The following ZBTB7C variants were observed in gnomAD, a reference collection of about 807,000 sequenced individuals.
The protein encoded by ZBTB7C is zinc finger and BTB domain-containing protein 7C.
A neutral mutation model predicts 25.7 loss-of-function variants in ZBTB7C; 8 were observed. That is an observed-to-expected ratio of 0.31 (90% CI 0.18 to 0.56). The LOEUF is 0.56. ZBTB7C is among the 20% of genes least tolerant of loss of function. The pLI is 0.91. For missense variants in ZBTB7C, 824 were observed against 855.2 expected (o/e 0.96, Z 0.46); for synonymous variants, 394 against 369.0 (o/e 1.07, Z -0.78).
chr18:48,181,134 C>T (rs2041909389), intron 3 of ZBTB7C, among the ~76,000 whole-genome samples: 1 of 152,200 alleles, frequency 6.6e-6, no homozygotes, highest in African/African-American at 2.4e-5. Flanking sequence ...AGGTGAGCCA[C>T]TGAGATCCTG....
chr18:48,286,140 T>A (rs1263150804), intron 2 of ZBTB7C, among the ~76,000 whole-genome samples: 4 of 152,190 alleles, frequency 2.6e-5, no homozygotes, highest in Non-Finnish European at 4.4e-5. Flanking sequence ...ACTGACAATA[T>A]CCTTCTCTTG....
At chr18:48,291,529 G>T (rs956774857) in intron 2 of ZBTB7C, among the ~76,000 whole-genome samples, 2 of 152,086 alleles carry the variant, frequency 1.3e-5, no homozygotes, top group Non-Finnish European at 2.9e-5. Context: ...AACCCACAGG[G>T]AGCCCAGGCC....
chr18:48,059,421 A>G (rs2037042382), intron 3 of ZBTB7C, among the ~76,000 whole-genome samples: 1 of 152,106 alleles, frequency 6.6e-6, no homozygotes, highest in Non-Finnish European at 1.5e-5. Flanking sequence ...CCTCCTAAGT[A>G]TGCAGACAAC....
At chr18:48,135,541 G>A (rs931210870) in intron 3 of ZBTB7C, among the ~76,000 whole-genome samples, 1 of 152,122 alleles carries the variant, frequency 6.6e-6, no homozygotes, top group Admixed American at 6.5e-5. Flanking sequence ...TTGGGAGAGT[G>A]GGTTCTTTTT....
intron 2 of ZBTB7C, among the ~76,000 whole-genome samples, chr18:48,234,766 A>G (rs1048357537): frequency 6.6e-6 from 1 of 152,140 alleles, no homozygotes; most frequent in Admixed American, 6.5e-5. Flanking sequence ...GGAATAGTTT[A>G]TTTATCAATT....
At chr18:48,163,146 T>C (rs2041124377) in intron 3 of ZBTB7C, among the ~76,000 whole-genome samples, 1 of 152,170 alleles carries the variant, frequency 6.6e-6, no homozygotes, top group African/African-American at 2.4e-5. Context: ...GCCCCAAAGA[T>C]GGCTTGGCCA....
At chr18:48,120,860 GGATGCTGGGAAGGAGCAAGGTCAGTTT>G (rs373183111) in intron 3 of ZBTB7C, among the ~76,000 whole-genome samples, 55 of 152,384 alleles carry the variant, frequency 3.6e-4, no homozygotes, top group African/African-American at 1.1e-3. Flanking sequence ...TGCCTGCAGA[GGATGCTGGGAAGGAGCAAGGTCAGTTT>G]GCACACTTAC....
intron 3 of ZBTB7C, among the ~76,000 whole-genome samples, chr18:48,065,977 A>G (rs1384018228): frequency 2.0e-5 from 3 of 152,140 alleles, no homozygotes; most frequent in East Asian, 3.9e-4. Context: ...CTCCTTCCCA[A>G]TAAGTTCTGG....
chr18:48,163,043 C>T (rs1436274903), intron 3 of ZBTB7C, among the ~76,000 whole-genome samples: 1 of 152,114 alleles, frequency 6.6e-6, no homozygotes, highest in Non-Finnish European at 1.5e-5. Context: ...CGAATGGGGC[C>T]CGTTGGTCCT....
Position 48,360,343 on chromosome 18 carries a change from T to A in ZBTB7C, c.-303-21945A>T, listed in dbSNP as rs116947066. 7.4e-4 allele frequency among the ~76,000 whole-genome samples: 113 copies of A among 152,238 alleles called. 1 individual carries two copies. In the East Asian group the frequency reaches 0.021, roughly 28 times the overall value. ...TGCAGAGTCAACAGTTGAGCTGGGA[T>A]TTAGACAATGAATATTTCTCAAATA... On this transcript the variant is annotated intron_variant, in intron 1 of 4. Transcript: ENST00000590800.
chr18:48,295,815 CCAG>C (rs764804791), intron 2 of ZBTB7C, among the ~76,000 whole-genome samples: 17 of 152,096 alleles, frequency 1.1e-4, no homozygotes, highest in Non-Finnish European at 1.5e-5. Context: ...CTCCCTCAGC[CCAG>C]CAGCAGCAGG....
intron 3 of ZBTB7C, among the ~76,000 whole-genome samples, chr18:48,160,197 G>A (rs1216290871): frequency 6.6e-6 from 1 of 152,110 alleles, no homozygotes; most frequent in Non-Finnish European, 1.5e-5. Context: ...GAAACATTTC[G>A]CTAGCACACT....
chr18:48,193,825 C>A (rs774434379), intron 2 of ZBTB7C, among the ~76,000 whole-genome samples: 1 of 152,230 alleles, frequency 6.6e-6, no homozygotes, highest in Non-Finnish European at 1.5e-5. Flanking sequence ...GGTCCAGGGA[C>A]CCATCGTGGG....
rs76327734 is a variant in ZBTB7C at position 48,243,008 on chromosome 18, A to T, written c.-78-57013T>A. 2.7e-3 allele frequency among the ~76,000 whole-genome samples: 413 copies of T among 152,272 alleles called. 7 individuals are homozygous for T. The East Asian group carries it at 0.053, about 20-fold the overall frequency. Reference sequence around the variant, plus strand: ...GCTGGGTGTGGTGGCTCATGCCCATAATCCTAACAATTTGGGAGGCCGAGG... The same window carrying T: ...GCTGGGTGTGGTGGCTCATGCCCATTATCCTAACAATTTGGGAGGCCGAGG... On this transcript the variant is annotated intron_variant, in intron 2 of 4. Coordinates refer to ENST00000590800, the MANE Select transcript of ZBTB7C (RefSeq NM_001318841.2).
At chr18:48,253,674 C>T (rs2043936123) in intron 2 of ZBTB7C, among the ~76,000 whole-genome samples, 1 of 152,094 alleles carries the variant, frequency 6.6e-6, no homozygotes, top group East Asian at 1.9e-4. Flanking sequence ...GTAGAGGGCT[C>T]CCCTCAAGTA....
rs185172971 is a variant in ZBTB7C at position 48,251,771 on chromosome 18, C to T, written c.-78-65776G>A. Among the ~76,000 whole-genome samples the T allele has an allele frequency of 4.8e-3, 730 of 152,266 alleles. 2 individuals carry two copies. The highest frequency in any genetic ancestry group is 6.8e-3 in the Middle Eastern group (2 of 294). ...TCACACCTGCTCTGACCAATCTCTG[C>T]GGCCCTATGTGAATCAGACACCACC... On this transcript the variant is annotated intron_variant, in intron 2 of 4. Coordinates refer to ENST00000590800, the MANE Select transcript of ZBTB7C (RefSeq NM_001318841.2).
intron 2 of ZBTB7C, among the ~76,000 whole-genome samples, chr18:48,192,228 T>G (rs373715680): frequency 5.7e-4 from 87 of 152,308 alleles, no homozygotes; most frequent in African/African-American, 2.1e-3. Flanking sequence ...ACATACTGTC[T>G]GATTCCAACT....
chr18:48,152,661 AGAT>A (rs1475883506), intron 3 of ZBTB7C, among the ~76,000 whole-genome samples: 2 of 152,236 alleles, frequency 1.3e-5, no homozygotes, highest in African/African-American at 4.8e-5. Flanking sequence ...TGCCCTCCAC[AGAT>A]GATCAGAGGC....
intron 2 of ZBTB7C, among the ~76,000 whole-genome samples, chr18:48,270,558 C>G (rs1384963681): frequency 6.6e-6 from 1 of 151,060 alleles, no homozygotes; most frequent in East Asian, 2.0e-4. Flanking sequence ...GGTGTGGTGG[C>G]ACGCACCTGT....
Sources: allele counts gnomAD v4.1 joint callset (sites outside exome capture counted in the v4.1 genomes callset), GRCh38; gene constraint gnomAD v4.1.1; transcripts MANE v1.5; gene names NCBI Gene and HGNC (gene_info 2026-07-23, HGNC 2026-07-21).